Variants in PDHA1 observed in about 807,000 individuals in gnomAD.
PDHA1 encodes the protein pyruvate dehydrogenase E1 component subunit alpha, somatic form, mitochondrial.
A neutral mutation model predicts 33.0 loss-of-function variants in PDHA1; 1 was observed. The observed-to-expected ratio is 0.03, with a 90% CI of 0.01 to 0.14. The LOEUF is 0.14. PDHA1 is among the 10% of genes least tolerant of loss of function. The probability of loss-of-function intolerance (pLI) is 1.00; values close to 1 mark genes in which losing one functional copy is unlikely to be tolerated. For missense variants in PDHA1, 168 were observed against 325.1 expected, an observed-to-expected ratio of 0.52 and a Z score of 3.72; for synonymous variants, 123 against 119.2, an observed-to-expected ratio of 1.03 and a Z score of -0.21.
At chrX:19,356,261 T>C (rs745782029) in intron 8 of PDHA1, among the ~76,000 whole-genome samples, 8 of 111,829 alleles carry the variant, frequency 7.2e-5, no homozygotes, top group Admixed American at 4.7e-4. Flanking sequence ...AGAGGGAGAC[T>C]GGCCTAAAGA....
chrX:19,352,127 C>T lies in PDHA1; in HGVS notation c.418+720C>T, dbSNP rs925329703. On this transcript the variant is annotated intron_variant, in intron 4 of 10. Transcript: ENST00000422285. ...GTTTTGTTTTTTTGAGACAGAGTCT[C>T]GCTTTGTTGCCCAGGCTGGAGTGCA... 6.3e-5 allele frequency among the ~76,000 whole-genome samples: 7 copies of T among 110,662 alleles called. No homozygotes were observed. In the East Asian group the frequency reaches 1.7e-3, roughly 27 times the overall value.
intron 1 of PDHA1, among the ~76,000 whole-genome samples, chrX:19,346,252 C>G (rs1229919000): frequency 8.9e-6 from 1 of 111,776 alleles, no homozygotes; most frequent in African/African-American, 3.3e-5. Context: ...GGTCTGATGG[C>G]TGTGACACAA....
chrX:19,352,225 C>CTT (rs1237519823), intron 4 of PDHA1, among the ~76,000 whole-genome samples: 18 of 86,258 alleles, frequency 2.1e-4, no homozygotes, highest in Non-Finnish European at 3.6e-4. Context: ...CCTCCTCCTC[C>CTT]TTTTTTTTTT....
intron 9 of PDHA1, 117 bp from the exon 10 acceptor site, chrX:19,358,799 A>G: frequency 1.9e-6 from 1 of 529,716 alleles, no homozygotes; most frequent in South Asian, 2.5e-5. Flanking sequence ...TTTCAGAAAC[A>G]CACTTCTGTA....
In PDHA1 at chrX:19,355,462, C is replaced by T. The variant is rs769963488; in HGVS notation, c.717C>T (p.Ser239=). 2 of 1,212,098 alleles carry T rather than the reference C, an allele frequency of 1.7e-6. No individual in the cohort carries two copies. Among genetic ancestry groups the T allele is most frequent in the Admixed American group, 4.3e-5 (2 of 46,135 alleles). ...CGTCTGTTGAGAGAGCGGCAGCCAG[C>T]ACTGATTACTACAAGAGAGGCGATT... ...MGTSVERAAA[S]TDYYKRGDFI... Residue 239 remains serine (S), a synonymous_variant, in exon 7 of 11, where the codon AGC becomes AGT. Transcript: ENST00000422285.
chrX:19,351,816 T>TTTTTG, intron 4 of PDHA1, among the ~76,000 whole-genome samples: 2 of 100,898 alleles, frequency 2.0e-5, no homozygotes, highest in African/African-American at 7.5e-5. Context: ...TTTTTTTTTT[T>TTTTTG]GAGACTGTGT....
intron 5 of PDHA1, 139 bp from the exon 6 acceptor site, chrX:19,354,352 G>C: frequency 1.9e-6 from 1 of 522,124 alleles, no homozygotes; most frequent in South Asian, 2.5e-5. Context: ...TAAACAGAGA[G>C]ATAGGGTTGG....
intron 6 of PDHA1, 149 bp downstream of exon 6, chrX:19,354,732 T>G: frequency 3.9e-6 from 2 of 509,244 alleles, no homozygotes; most frequent in Non-Finnish European, 7.1e-6. Context: ...TATGGCCAGA[T>G]TAGAGATTGA....
intron 4 of PDHA1, among the ~76,000 whole-genome samples, chrX:19,352,284 G>C (rs1367917191): frequency 2.9e-5 from 3 of 104,590 alleles, no homozygotes; most frequent in Non-Finnish European, 5.9e-5. Flanking sequence ...GGAGTGGCTG[G>C]AGTGAAGTGG....
intron 1 of PDHA1, 145 bp from the exon 2 acceptor site, chrX:19,349,167 A>T: frequency 2.1e-6 from 1 of 469,230 alleles, no homozygotes; most frequent in Non-Finnish European, 3.8e-6. Context: ...ATGCAAACAC[A>T]GTGCACAGGG....
intron 3 of PDHA1, among the ~76,000 whole-genome samples, chrX:19,350,807 C>G (rs932477903): frequency 9.0e-6 from 1 of 111,484 alleles, no homozygotes; most frequent in Non-Finnish European, 1.9e-5. Flanking sequence ...CAAGGGCCAG[C>G]CAGGTAGAAT....
chrX:19,359,804 C>T lies in PDHA1; in HGVS notation c.*151C>T. ...AGATTGAGCAGGTAGTAATTGCATG[C>T]AGTTTGTACATTAGTGCATTAAAAG... On this transcript the variant is annotated 3_prime_UTR_variant, in exon 11 of 11. Transcript: ENST00000422285. The T allele has an allele frequency of 2.0e-6, 1 of 507,794 alleles. No homozygotes were observed. The highest frequency in any genetic ancestry group is 3.4e-6 in the Non-Finnish European group (1 of 291,400). 41.8% of individuals were successfully genotyped at this position (507,794 alleles called of 1,213,427 possible).
At position 19,357,441 on chromosome X, in the gene PDHA1, A is replaced by G. The variant is rs7885618; in HGVS notation, c.832-211A>G. ...AAACAAGCTGTTGGCAGATTGCCTT[A>G]TTAAAAATGAGAAAGATGAAATATG... On this transcript the variant is annotated intron_variant, in intron 8 of 10. Coordinates refer to ENST00000422285, the MANE Select transcript of PDHA1 (RefSeq NM_000284.4). 7,300 of 452,141 alleles carry G rather than the reference A, an allele frequency of 0.016. 360 individuals carry two copies. The highest frequency in any genetic ancestry group is 0.15 in the African/African-American group (6,263 of 41,287). 37.3% of individuals were successfully genotyped at this position (452,141 alleles called of 1,213,427 possible).
chrX:19,357,345 C>T (rs761221745), intron 8 of PDHA1: 6 of 311,472 alleles, frequency 1.9e-5, no homozygotes, highest in Non-Finnish European at 2.9e-5. Flanking sequence ...CTCTGCCCAC[C>T]TCAGCTTCCC....
At chrX:19,351,825 G>C (rs189819321) in intron 4 of PDHA1, among the ~76,000 whole-genome samples, 73 of 76,660 alleles carry the variant, frequency 9.5e-4, no homozygotes, top group African/African-American at 4.3e-3. Flanking sequence ...TTGAGACTGT[G>C]TCTCACTCCG....
chrX:19,352,224 CCTT>C (rs1214750053), intron 4 of PDHA1, among the ~76,000 whole-genome samples: 3 of 89,928 alleles, frequency 3.3e-5, no homozygotes, highest in South Asian at 5.0e-4. Context: ...TCCTCCTCCT[CCTT>C]TTTTTTTTTT....
At chrX:19,350,268 G>A (rs753198308) in intron 3 of PDHA1, among the ~76,000 whole-genome samples, 158 bp downstream of exon 3, 8 of 111,039 alleles carry the variant, frequency 7.2e-5, no homozygotes, top group African/African-American at 9.8e-5. Context: ...TCTCTCTGTC[G>A]CCCAGGTTAG....
chrX:19,356,675 A>AGTT lies in PDHA1; in HGVS notation c.831+921_831+923dup, dbSNP rs2063202479. On this transcript the variant is annotated intron_variant, in intron 8 of 10. Transcript: ENST00000422285. ...GCCAGCCCTGGCTGGAGACAAGGGG[A>AGTT]GTTGTAGAATGTAGTTGTAGAATGT... Among the ~76,000 whole-genome samples the AGTT allele has an allele frequency of 3.0e-5, 3 of 101,140 alleles. No individual in the cohort carries two copies. In the South Asian group the frequency reaches 1.1e-3, roughly 38 times the overall value. 87.8% of individuals were successfully genotyped at this position (101,140 alleles called of 115,157 possible).
At chrX:19,353,497 T>C (rs1032226902) in intron 5 of PDHA1, among the ~76,000 whole-genome samples, 2 of 112,084 alleles carry the variant, frequency 1.8e-5, no homozygotes, top group Non-Finnish European at 3.8e-5. Context: ...CTATACAGCC[T>C]AGGTGTGCAG....
Sources: allele counts gnomAD v4.1 joint callset (sites outside exome capture counted in the v4.1 genomes callset), GRCh38; gene constraint gnomAD v4.1.1; transcripts MANE v1.5; gene names NCBI Gene and HGNC (gene_info 2026-07-23, HGNC 2026-07-21).